Variants in EYS observed in about 807,000 individuals in gnomAD.
EYS encodes the protein EGF-like photoreceptor maintenance factor, also known as protein eyes shut homolog.
EYS carries 250 observed loss-of-function variants against 282.1 expected under a neutral mutation model. That is an observed-to-expected ratio of 0.89 (90% confidence interval 0.80 to 0.98). EYS has a LOEUF of 0.98. EYS is among the 50% of genes least tolerant of loss of function. The pLI is 0.00. For synonymous variants in EYS, 1,355 were observed against 1,282.9 expected (o/e 1.06, Z -1.20); for missense variants, 4,016 against 3,709.0 (o/e 1.08, Z -2.15).
chr6:65,276,406 C>T (rs1474342466), intron 12 of EYS, among the ~76,000 whole-genome samples: 1 of 150,872 alleles, frequency 6.6e-6, no homozygotes, highest in Non-Finnish European at 1.5e-5. Context: ...TGCTTCCACC[C>T]AGAAAAGAAA....
rs575568308 is a variant in EYS, at chr6:64,000,822, A to G, written c.6726-1639T>C. 2.6e-5 allele frequency among the ~76,000 whole-genome samples: 4 copies of G among 152,208 alleles called. No homozygotes were observed. The East Asian group carries it at 7.8e-4, about 30-fold the overall frequency. On this transcript the variant is annotated intron_variant, in intron 33 of 42. Coordinates refer to ENST00000503581, the MANE Select transcript of EYS (RefSeq NM_001142800.2). ...GCTTCCACTTTAGCTTACCAAGGTC[A>G]TTTCTAATTCTGATCAGGTCACTGT...
chr6:64,686,847 A>ATATATACACACACATATATACGTGTG, intron 22 of EYS, among the ~76,000 whole-genome samples: 1 of 104,404 alleles, frequency 9.6e-6, no homozygotes, highest in African/African-American at 4.2e-5. Flanking sequence ...ACGTGTATAT[A>ATATATACACACACATATATACGTGTG]TATATATGTG....
intron 30 of EYS, among the ~76,000 whole-genome samples, chr6:64,304,967 A>G (rs1266589891): frequency 1.3e-5 from 2 of 152,012 alleles, no homozygotes; most frequent in African/African-American, 4.8e-5. Context: ...TAAGCTAAAA[A>G]AGAAGAAAGA....
chr6:63,762,317 A>G lies in EYS; in HGVS notation c.8071+144T>C, dbSNP rs1448509506. 1.7e-5 allele frequency: 13 copies of G among 745,374 alleles called. No individual in the cohort carries two copies. In the East Asian group the frequency reaches 3.6e-4, roughly 20 times the overall value. The allele number at this position is 745,374 out of a possible 1,614,324, so 46.2% of individuals were successfully genotyped here. ...AGTACTAGTCTATCTGTGAAGTATA[A>G]TGTCAAATATACTAGAAAAAGAGGA... On this transcript the variant is annotated intron_variant, in intron 41 of 42. Coordinates refer to ENST00000503581, the MANE Select transcript of EYS (RefSeq NM_001142800.2).
Position 65,494,685 on chromosome 6 carries a change from A to C in EYS, c.726T>G (p.Cys242Trp), listed in dbSNP as rs1289492778. Residue 242 changes from cysteine to tryptophan, a missense_variant, in exon 4 of 43, where the codon TGT becomes TGG. Cys to Trp is a radical substitution (Grantham distance 215, BLOSUM62 -2). Coordinates refer to ENST00000503581, the MANE Select transcript of EYS (RefSeq NM_001142800.2). ...RENWDEQAYE[C>W]VCHPPFTGKN... is the part of the protein sequence containing the mutation. The stretch of plus-strand genomic sequence containing the variant: ...TACCTGTAAATGGTGGGTGACAGAC[A>C]CATTCATATGCTTGCTCATCCCAAT... 6 of 1,577,298 alleles carry C rather than the reference A, an allele frequency of 3.8e-6. No individual in the cohort carries two copies. The highest frequency in any genetic ancestry group is 1.4e-5 in the African/African-American group (1 of 73,658).
intron 5 of EYS, among the ~76,000 whole-genome samples, chr6:65,459,780 C>G (rs1764750671): frequency 6.6e-6 from 1 of 150,628 alleles, no homozygotes; most frequent in African/African-American, 2.4e-5. Context: ...ATATTTAAAA[C>G]CAACTGAAAT....
At chr6:64,206,030 G>A (rs866797038) in intron 31 of EYS, among the ~76,000 whole-genome samples, 6 of 152,016 alleles carry the variant, frequency 3.9e-5, no homozygotes, top group South Asian at 4.1e-4. Context: ...TTTTTAATTT[G>A]AAGGAGTAAT....
chr6:65,290,653 T>C (rs923149623), intron 12 of EYS, among the ~76,000 whole-genome samples: 4 of 151,330 alleles, frequency 2.6e-5, no homozygotes, highest in Non-Finnish European at 5.9e-5. Flanking sequence ...TTGTATAAAG[T>C]CAGCACAAGA....
chr6:63,720,806 GT>G lies in EYS; in HGVS notation c.9224del (p.Asn3075ThrfsTer5), dbSNP rs1768349624. 6.4e-7 allele frequency: 1 copy of G among 1,550,906 alleles called. No homozygotes were observed. The highest frequency in any genetic ancestry group is 8.7e-7 in the Non-Finnish European group (1 of 1,146,458). ...TGCCATCATAGTTTAGAGCCACAAA[GT>G]TTTTATGTGGATCAATATCCTCGGA... ...ILSEDIDPHK[N>X]FVALNYDGIC... On this transcript the variant is annotated frameshift_variant, in exon 43 of 43. Transcript: ENST00000503581. LOFTEE classifies it high-confidence loss of function.
At chr6:65,305,445 A>G (rs569470567) in intron 11 of EYS, among the ~76,000 whole-genome samples, 1 of 152,336 alleles carries the variant, frequency 6.6e-6, no homozygotes, top group South Asian at 2.1e-4. Context: ...GTTAGATTGT[A>G]TGTCTTTTTA....
rs116695520 is a variant in EYS at position 63,915,617 on chromosome 6, C to G, written c.7056-51259G>C. Among the ~76,000 whole-genome samples the G allele has an allele frequency of 6.8e-3, 1,042 of 152,250 alleles. 14 individuals carry two copies. The highest frequency in any genetic ancestry group is 0.022 in the African/African-American group (927 of 41,522). On this transcript the variant is annotated intron_variant, in intron 35 of 42. Coordinates refer to ENST00000503581, the MANE Select transcript of EYS (RefSeq NM_001142800.2). ...ATGGACTAGGCAAAGTCAGTTGAAA[C>G]CTTTCTGGAAAGAATTCACCATTCT...
chr6:64,191,767 T>C (rs1263361932), intron 31 of EYS, among the ~76,000 whole-genome samples: 6 of 151,842 alleles, frequency 4.0e-5, no homozygotes, highest in African/African-American at 1.5e-4. Flanking sequence ...TTTGCTATTG[T>C]GAATAGTGCC....
At chr6:65,627,017 TTCTTTCTTTC>T (rs1766724105) in intron 2 of EYS, among the ~76,000 whole-genome samples, 1 of 95,844 alleles carries the variant, frequency 1.0e-5, no homozygotes, top group Non-Finnish European at 2.4e-5. Flanking sequence ...TCTCTGCCCT[TTCTTTCTTTC>T]TCTTTCTTTC....
intron 41 of EYS, among the ~76,000 whole-genome samples, chr6:63,740,709 A>G (rs1354704650): frequency 2.0e-5 from 3 of 152,206 alleles, no homozygotes; most frequent in Admixed American, 6.5e-5. Context: ...CAATGCATAG[A>G]TAGTTGATAC....
At chr6:64,561,968 ACTGGAAGCATTCTATTAC>A (rs981574663) in intron 26 of EYS, among the ~76,000 whole-genome samples, 1 of 151,564 alleles carries the variant, frequency 6.6e-6, no homozygotes, top group Non-Finnish European at 1.5e-5. Context: ...AAAGAACAAA[ACTGGAAGCATTCTATTAC>A]CTGACTTTAT....
chr6:64,023,264 G>A (rs958921464), intron 33 of EYS, among the ~76,000 whole-genome samples: 1 of 152,132 alleles, frequency 6.6e-6, no homozygotes, highest in Non-Finnish European at 1.5e-5. Flanking sequence ...TCTGTTGATC[G>A]ATACTTCTCC....
intron 30 of EYS, among the ~76,000 whole-genome samples, chr6:64,244,755 T>C (rs931695730): frequency 6.6e-6 from 1 of 152,210 alleles, no homozygotes; most frequent in Admixed American, 6.5e-5. Context: ...AACTTCTGTT[T>C]AGTATGTCGA....
chr6:63,785,076 C>T (rs114494290), intron 39 of EYS, among the ~76,000 whole-genome samples: 1,846 of 152,198 alleles, frequency 0.012, 39 homozygotes, highest in African/African-American at 0.043. Flanking sequence ...ATATTGCTGA[C>T]CCAGGGACCA....
intron 8 of EYS, among the ~76,000 whole-genome samples, chr6:65,378,793 C>T (rs957681738): frequency 3.9e-5 from 6 of 151,944 alleles, no homozygotes; most frequent in African/African-American, 7.3e-5. Context: ...AACATAATAC[C>T]GAACACCACA....
Sources: allele counts gnomAD v4.1 joint callset (sites outside exome capture counted in the v4.1 genomes callset), GRCh38; gene constraint gnomAD v4.1.1; transcripts MANE v1.5; gene names NCBI Gene and HGNC (gene_info 2026-07-23, HGNC 2026-07-21).